The following MFN1 variants were observed in gnomAD, a reference collection of about 807,000 sequenced individuals.
MFN1 encodes the protein mitofusin-1.
Under a neutral mutation model 92.4 loss-of-function variants are expected in MFN1, and 65 were observed. The ratio of observed to expected loss-of-function variants is 0.70; its 90% CI spans 0.58 to 0.86. MFN1 has a LOEUF of 0.86. Ranked by LOEUF, MFN1 falls within the 40% of genes least tolerant of loss-of-function variation. The pLI is 0.00. For missense variants in MFN1, 781 were observed against 868.0 expected (o/e 0.90, Z 1.26); for synonymous variants, 297 against 300.9 (o/e 0.99, Z 0.13).
At chr3:179,348,757 G>A in intron 1 of MFN1, 88 bp from the exon 2 acceptor site, 1 of 1,527,604 alleles carries the variant, frequency 6.5e-7, no homozygotes, top group Non-Finnish European at 8.9e-7. Flanking sequence ...ATTTCATTGG[G>A]GAGTTGATGA....
At chr3:179,372,373 T>A (rs1713058955) in intron 9 of MFN1, among the ~76,000 whole-genome samples, 1 of 151,718 alleles carries the variant, frequency 6.6e-6, no homozygotes, top group African/African-American at 2.4e-5. Context: ...TAAATTTATA[T>A]TATTAATGTA....
At chr3:179,380,207 G>A (rs1713413610) in intron 14 of MFN1, among the ~76,000 whole-genome samples, 1 of 152,214 alleles carries the variant, frequency 6.6e-6, no homozygotes, top group African/African-American at 2.4e-5. Context: ...GATTGTCTCT[G>A]ATGAAAATCT....
At chr3:179,362,597 T>A in intron 5 of MFN1, 115 bp downstream of exon 5, 1 of 912,360 alleles carries the variant, frequency 1.1e-6, no homozygotes, top group Non-Finnish European at 1.6e-6. Flanking sequence ...TTGTTCTCAT[T>A]AGCTAGATTA....
chr3:179,362,631 T>A, intron 5 of MFN1, 149 bp downstream of exon 5: 2 of 664,134 alleles, frequency 3.0e-6, no homozygotes, highest in Non-Finnish European at 4.6e-6. Flanking sequence ...GTATTGGTTT[T>A]ATTTTATAAG....
intron 4 of MFN1, among the ~76,000 whole-genome samples, chr3:179,360,585 G>A (rs1712538034): frequency 6.6e-6 from 1 of 151,680 alleles, no homozygotes; most frequent in Admixed American, 6.6e-5. Flanking sequence ...AACAAATTAG[G>A]ATGCAAAATG....
rs192940459 is a variant in MFN1, at chr3:179,367,924, G to A, written c.908-112G>A. 18 of 504,976 alleles carry A rather than the reference G, an allele frequency of 3.6e-5. No homozygotes were observed. The Admixed American group carries it at 4.9e-4, about 14-fold the overall frequency. The allele number at this position is 504,976 out of a possible 1,614,324, so 31.3% of individuals were successfully genotyped here. On this transcript the variant is annotated intron_variant, in intron 8 of 17. Transcript: ENST00000471841. ...GGGCAACAGAGCAAGACTCTGTCTC[G>A]GGGGAAAAAGTATATATATATATAT... is the stretch of plus-strand genomic sequence containing the variant.
At position 179,364,376 on chromosome 3, in the gene MFN1, G is replaced by C. The variant is rs866955347; in HGVS notation, c.616G>C (p.Ala206Pro). Residue 206 changes from alanine (A) to proline (P), a missense_variant, in exon 6 of 18, where the codon GCA (alanine) becomes CCA (proline). Transcript: ENST00000471841. ...AGATGCTGATGTCTTTGTTTTGGTC[G>C]CAAACTCTGAATCAACACTAATGAA... ...CLDADVFVLVANSESTLMNTE... is the reference protein window; with the variant it reads ...CLDADVFVLVPNSESTLMNTE... The C allele has an allele frequency of 6.2e-7, 1 of 1,612,692 alleles. No individual in the cohort carries two copies. Among genetic ancestry groups the C allele is most frequent in the Non-Finnish European group, 8.5e-7 (1 of 1,178,908 alleles).
chr3:179,374,267 C>T (rs967867181), intron 9 of MFN1, among the ~76,000 whole-genome samples: 5 of 148,878 alleles, frequency 3.4e-5, no homozygotes, highest in Middle Eastern at 3.2e-3. Context: ...CATGCCATTG[C>T]ACTCCAGCCT....
In MFN1 at chr3:179,394,146, C is replaced by T. The variant is rs1315717018; in HGVS notation, c.*2087C>T. On this transcript the variant is annotated 3_prime_UTR_variant, in exon 18 of 18. Coordinates refer to ENST00000471841, the MANE Select transcript of MFN1 (RefSeq NM_033540.3). ...AACAGGTGTAAGCCACCACACACAG[C>T]TATAATCAACCTTCAAACTTATAAA... The T allele has an allele frequency of 6.6e-6, 1 of 152,214 alleles. No homozygotes were observed. Among genetic ancestry groups the T allele is most frequent in the Non-Finnish European group, 1.5e-5 (1 of 68,080 alleles). 9.4% of individuals were successfully genotyped at this position (152,214 alleles called of 1,614,324 possible). A position where few individuals can be genotyped will look rare whatever the true frequency, so the allele number is the denominator to read the frequency against.
At chr3:179,388,014 G>A (rs1006612335) in intron 16 of MFN1, among the ~76,000 whole-genome samples, 2 of 151,848 alleles carry the variant, frequency 1.3e-5, no homozygotes, top group Non-Finnish European at 2.9e-5. Context: ...TTACAGGTGT[G>A]AGCCTCCATG....
intron 7 of MFN1, among the ~76,000 whole-genome samples, chr3:179,366,549 T>C (rs927456417): frequency 6.6e-6 from 1 of 152,156 alleles, no homozygotes; most frequent in Non-Finnish European, 1.5e-5. Flanking sequence ...AAAAATAACT[T>C]AAACTATCCC....
chr3:179,386,619 CAAGTAAAACAGT>C lies in MFN1; in HGVS notation c.2007_2012+6del, dbSNP rs1303373980. The C allele has an allele frequency of 1.9e-6, 3 of 1,606,626 alleles. No homozygotes were observed. Among genetic ancestry groups the C allele is most frequent in the Admixed American group, 1.7e-5 (1 of 57,846 alleles). On this transcript the variant is annotated splice_donor_variant and coding_sequence_variant, in exon 16 of 18. Transcript: ENST00000471841. LOFTEE classifies it high-confidence loss of function. ...CTCCACGAGTGCAAACTGCAGTCACCAAGTAAAACAGTAAGTTGGAAGGTGCATCTTTCCTTT... is the reference window on the plus strand; with the variant it reads ...CTCCACGAGTGCAAACTGCAGTCACCAAGTTGGAAGGTGCATCTTTCCTTT...
intron 11 of MFN1, 25 bp from the exon 12 acceptor site, chr3:179,377,319 A>G: frequency 6.4e-7 from 1 of 1,558,764 alleles, no homozygotes; most frequent in Non-Finnish European, 8.7e-7. Context: ...TAATTATTTT[A>G]ACTCCAAAAT....
At chr3:179,372,112 A>G (rs987018633) in intron 9 of MFN1, among the ~76,000 whole-genome samples, 1 of 147,486 alleles carries the variant, frequency 6.8e-6, no homozygotes, top group Non-Finnish European at 1.5e-5. Context: ...TGTTATATAT[A>G]AATATTATAT....
At chr3:179,375,892 A>G (rs1713221574) in intron 10 of MFN1, among the ~76,000 whole-genome samples, 1 of 152,234 alleles carries the variant, frequency 6.6e-6, no homozygotes. Context: ...AAAGGTGGCA[A>G]TGAATACATG....
rs2108528765 is a variant in MFN1 at position 179,358,942 on chromosome 3, A to G, written c.351A>G (p.Gly117=). 6.2e-7 allele frequency: 1 copy of G among 1,614,090 alleles called. No homozygotes were observed. Among genetic ancestry groups the G allele is most frequent in the Non-Finnish European group, 8.5e-7 (1 of 1,180,000 alleles). ...HITNCFLSVE[G]TDGDKAYLMT... ...CCAATTGCTTCCTAAGTGTTGAAGG[A>G]ACTGATGGAGATAAAGCCTATCTTA... The change falls in exon 4 of 18, where the codon GGA becomes GGG. Residue 117 remains glycine, a synonymous_variant. Coordinates refer to ENST00000471841, the MANE Select transcript of MFN1 (RefSeq NM_033540.3).
At chr3:179,379,457 G>C (rs376530291) in intron 14 of MFN1, among the ~76,000 whole-genome samples, 1 of 152,112 alleles carries the variant, frequency 6.6e-6, no homozygotes, top group East Asian at 1.9e-4. Context: ...GGGTTCATGC[G>C]ATTCTCCTGC....
intron 12 of MFN1, among the ~76,000 whole-genome samples, chr3:179,377,663 G>A (rs1713293655): frequency 6.6e-6 from 1 of 152,228 alleles, no homozygotes; most frequent in South Asian, 2.1e-4. Flanking sequence ...ACGAGGCACA[G>A]TGGCTCATGC....
intron 2 of MFN1, among the ~76,000 whole-genome samples, chr3:179,350,114 T>G (rs767662095): frequency 2.6e-5 from 4 of 151,362 alleles, no homozygotes; most frequent in Non-Finnish European, 1.5e-5. Context: ...AGTCGCCCAC[T>G]GCACTCCAGC....
Sources: gnomAD v4.1 joint callset for allele counts (sites outside exome capture counted in the v4.1 genomes callset) on GRCh38, gnomAD v4.1.1 for gene constraint, MANE v1.5 for transcripts, NCBI Gene and HGNC (gene_info 2026-07-23, HGNC 2026-07-21) for gene names.